Variants in LINGO2 observed in about 807,000 individuals in gnomAD.
The protein encoded by LINGO2 is leucine-rich repeat and immunoglobulin-like domain-containing nogo receptor-interacting protein 2.
Under a neutral mutation model 30.6 loss-of-function variants are expected in LINGO2, and 14 were observed. That is an observed-to-expected ratio of 0.46 (90% CI 0.30 to 0.72). LINGO2 has a LOEUF of 0.72. LINGO2 is among the 30% of genes least tolerant of loss of function. The pLI, the probability that LINGO2 is intolerant of heterozygous loss-of-function variation, is 0.07. For missense variants in LINGO2, 729 were observed against 751.7 expected (o/e 0.97, Z 0.35); for synonymous variants, 317 against 288.5 (o/e 1.10, Z -1.00).
At chr9:28,500,075 G>T (rs1156405409) in intron 1 of LINGO2, among the ~76,000 whole-genome samples, 2 of 152,166 alleles carry the variant, frequency 1.3e-5, no homozygotes, top group East Asian at 3.9e-4. Context: ...GGAGTCATCT[G>T]CCCTTCTCCC....
At position 28,148,540 on chromosome 9, in the gene LINGO2, T is replaced by C. The variant is rs192616833; in HGVS notation, c.-86-136135A>G. 4 of 1,484,086 alleles carry C rather than the reference T, an allele frequency of 2.7e-6. No homozygotes were observed. The highest frequency in any genetic ancestry group is 4.9e-5 in the East Asian group (2 of 40,628). 91.9% of individuals were successfully genotyped at this position (1,484,086 alleles called of 1,614,324 possible). ...GCCCCTGTAGCAATGGGGAAGCAGC[T>C]TCCACCTCTAGGCCCCTGGAGACTC... On this transcript the variant is annotated intron_variant, in intron 4 of 5. Coordinates refer to ENST00000379992, the Ensembl canonical transcript of LINGO2. This position sits in a 1 kb window ranked among gnomAD's most constrained non-coding sequence, Gnocchi z 5.1.
chr9:28,632,740 T>TAATATAGAGATCTA, intron 1 of LINGO2, among the ~76,000 whole-genome samples: 1 of 134,442 alleles, frequency 7.4e-6, no homozygotes, highest in African/African-American at 2.8e-5. Flanking sequence ...ATCTATATAT[T>TAATATAGAGATCTA]TATATATAGA....
At chr9:27,952,600 A>T in intron 5 of LINGO2, among the ~76,000 whole-genome samples, 1 of 152,054 alleles carries the variant, frequency 6.6e-6, no homozygotes, top group East Asian at 1.9e-4. Context: ...AAGTCAAGAA[A>T]ACAGAAAGTA....
intron 4 of LINGO2, among the ~76,000 whole-genome samples, chr9:28,226,628 AAAGAAG>A (rs1821158561): frequency 2.2e-5 from 2 of 92,638 alleles, no homozygotes; most frequent in Non-Finnish European, 4.6e-5. Context: ...GGAAAGAAGG[AAAGAAG>A]GAAAGAAGGA....
intron 1 of LINGO2, among the ~76,000 whole-genome samples, chr9:28,555,171 A>G (rs1288848478): frequency 2.3e-5 from 3 of 132,500 alleles, no homozygotes; most frequent in African/African-American, 3.3e-5. Context: ...GGAAATAGAG[A>G]CACAAAAAAC....
the LINGO2 span, among the ~76,000 whole-genome samples, chr9:28,850,630 G>C: frequency 6.6e-6 from 1 of 152,004 alleles, no homozygotes; most frequent in Admixed American, 6.6e-5. Context: ...TGTTCCAGAG[G>C]AGGGAATGCA....
the LINGO2 span, among the ~76,000 whole-genome samples, chr9:28,820,102 G>T: frequency 6.6e-6 from 1 of 152,104 alleles, no homozygotes; most frequent in African/African-American, 2.4e-5. Context: ...GGATGTCTAA[G>T]AACAGGTAAG....
At position 28,148,045 on chromosome 9, in the gene LINGO2, T is replaced by C. The variant is rs1827865937; in HGVS notation, c.-86-135640A>G. 6.6e-6 allele frequency among the ~76,000 whole-genome samples: 1 copy of C among 152,200 alleles called. No individual in the cohort carries two copies. The highest frequency in any genetic ancestry group is 1.5e-5 in the Non-Finnish European group (1 of 68,028). Reference sequence around the variant, plus strand: ...TCCGCCACAGGTCCTGGCCATGCCATTGGCAACCTGCTCGTCTTGTCCATG... The same window carrying C: ...TCCGCCACAGGTCCTGGCCATGCCACTGGCAACCTGCTCGTCTTGTCCATG... On this transcript the variant is annotated intron_variant, in intron 4 of 5. Coordinates refer to ENST00000379992, the Ensembl canonical transcript of LINGO2. This position sits in a 1 kb window ranked among gnomAD's most constrained non-coding sequence, Gnocchi z 5.1.
intron 4 of LINGO2, among the ~76,000 whole-genome samples, chr9:28,261,766 T>C (rs1328392016): frequency 2.0e-5 from 3 of 151,944 alleles, no homozygotes; most frequent in Admixed American, 6.6e-5. Context: ...GACTGCAATA[T>C]AGAAAATTAA....
At chr9:28,670,487 G>A (rs1437015557), upstream of LINGO2, among the ~76,000 whole-genome samples, 4 of 152,044 alleles carry the variant, frequency 2.6e-5, no homozygotes, top group African/African-American at 9.7e-5. Flanking sequence ...TACTAAAATA[G>A]ACCCTAGATT....
chr9:28,834,602 A>G, the LINGO2 span, among the ~76,000 whole-genome samples: 1 of 152,182 alleles, frequency 6.6e-6, no homozygotes, highest in East Asian at 1.9e-4. Context: ...ACTTAGTCTG[A>G]GCAGACAAAA....
chr9:28,263,637 T>G (rs763880131), intron 4 of LINGO2, among the ~76,000 whole-genome samples: 1 of 152,012 alleles, frequency 6.6e-6, no homozygotes, highest in African/African-American at 2.4e-5. Context: ...TTTTCTCATG[T>G]GCCACCCCGC....
chr9:28,413,313 G>A (rs1822842574), intron 2 of LINGO2, among the ~76,000 whole-genome samples: 1 of 152,026 alleles, frequency 6.6e-6, no homozygotes, highest in African/African-American at 2.4e-5. Context: ...TATCATTTAA[G>A]CTTTCATTTT....
At chr9:28,387,180 C>A (rs1323864413) in intron 2 of LINGO2, among the ~76,000 whole-genome samples, 1 of 151,894 alleles carries the variant, frequency 6.6e-6, no homozygotes, top group Non-Finnish European at 1.5e-5. Flanking sequence ...CCAATCAGCA[C>A]CCTGTAAAAA....
chr9:28,550,366 A>G (rs1316112774), intron 1 of LINGO2, among the ~76,000 whole-genome samples: 4 of 151,630 alleles, frequency 2.6e-5, no homozygotes, highest in African/African-American at 9.7e-5. Context: ...CAAAGTACTG[A>G]TTCTTTCTTC....
At chr9:28,027,140 A>G (rs1023688644) in intron 4 of LINGO2, among the ~76,000 whole-genome samples, 4 of 152,230 alleles carry the variant, frequency 2.6e-5, no homozygotes, top group Admixed American at 1.3e-4. Flanking sequence ...TGCCTCTTGT[A>G]TAACAGTAAC....
At chr9:28,986,641 G>T in the LINGO2 span, among the ~76,000 whole-genome samples, 1 of 151,848 alleles carries the variant, frequency 6.6e-6, no homozygotes, top group African/African-American at 2.4e-5. Context: ...ATACAATGGG[G>T]TTATGTACCT....
the LINGO2 span, among the ~76,000 whole-genome samples, chr9:28,933,126 C>T: frequency 3.3e-5 from 5 of 151,976 alleles, no homozygotes; most frequent in South Asian, 2.1e-4. Flanking sequence ...AGACTGGTCT[C>T]GAACTCCTGG....
intron 4 of LINGO2, among the ~76,000 whole-genome samples, chr9:28,183,578 C>T (rs994832226): frequency 1.3e-5 from 2 of 152,062 alleles, no homozygotes; most frequent in Non-Finnish European, 2.9e-5. Flanking sequence ...TGCTTTAACA[C>T]CACAATGGCA....
Sources: allele counts gnomAD v4.1 joint callset (sites outside exome capture counted in the v4.1 genomes callset), GRCh38; gene constraint gnomAD v4.1.1; non-coding constraint Gnocchi (gnomAD v3.1); transcripts MANE v1.5; gene names NCBI Gene and HGNC (gene_info 2026-07-23, HGNC 2026-07-21).